Variants in GAS2L3 observed in about 807,000 individuals in gnomAD.
GAS2L3 encodes the protein growth arrest specific 2 like 3.
In GAS2L3, 28 loss-of-function variants were observed where a neutral mutation model predicts 37.0. That is an observed-to-expected ratio of 0.76 (90% confidence interval 0.56 to 1.04). The LOEUF (loss-of-function observed/expected upper bound fraction) is 1.04, where lower values mean the gene tolerates loss of function less well. Ranked by LOEUF, GAS2L3 falls within the 50% of genes least tolerant of loss-of-function variation. GAS2L3 has a pLI of 0.00. For missense variants in GAS2L3, 793 were observed against 817.6 expected (o/e 0.97, Z 0.37); for synonymous variants, 290 against 296.6 (o/e 0.98, Z 0.23).
intron 1 of GAS2L3, among the ~76,000 whole-genome samples, chr12:100,580,655 AT>A (rs1358574426): frequency 6.6e-6 from 1 of 152,226 alleles, no homozygotes; most frequent in African/African-American, 2.4e-5. Context: ...GTTTATATAC[AT>A]TTATTAGAAA....
At chr12:100,580,658 T>C (rs567241278) in intron 1 of GAS2L3, among the ~76,000 whole-genome samples, 85 of 152,360 alleles carry the variant, frequency 5.6e-4, no homozygotes, top group Non-Finnish European at 1.0e-3. Flanking sequence ...TATATACATT[T>C]ATTAGAAATC....
At chr12:100,588,090 C>T (rs962225791) in intron 1 of GAS2L3, among the ~76,000 whole-genome samples, 1 of 151,982 alleles carries the variant, frequency 6.6e-6, no homozygotes, top group Admixed American at 6.6e-5. Flanking sequence ...GCATCCAAAT[C>T]GGTAAAGAGG....
chr12:100,617,757 T>A lies in GAS2L3; in HGVS notation c.459T>A (p.Asp153Glu). The change falls in exon 7 of 10, where the codon GAT becomes GAA. Residue 153 changes from aspartate to glutamate, a missense_variant. Physicochemically the swap from Asp to Glu is conservative, Grantham distance 45. Coordinates refer to ENST00000547754, the MANE Select transcript of GAS2L3 (RefSeq NM_174942.3). ...TATTTTCCACAGTTTTGCACAAAGA[T>A]CCAAGACAGGTGTATCTTTGTCTTC... The part of the protein sequence containing the change: ...FESEGLVLHK[D>E]PRQVYLCLLE... The A allele has an allele frequency of 1.2e-6, 2 of 1,606,468 alleles. No individual in the cohort carries two copies. Among genetic ancestry groups the A allele is most frequent in the Non-Finnish European group, 1.7e-6 (2 of 1,173,808 alleles).
chr12:100,608,264 G>A (rs1956080620), intron 5 of GAS2L3, among the ~76,000 whole-genome samples: 1 of 152,170 alleles, frequency 6.6e-6, no homozygotes, highest in Non-Finnish European at 1.5e-5. Context: ...TGGGCCTCCT[G>A]GATCTGGGGA....
chr12:100,581,044 A>G (rs1955705487), intron 1 of GAS2L3, among the ~76,000 whole-genome samples: 1 of 152,170 alleles, frequency 6.6e-6, no homozygotes, highest in East Asian at 1.9e-4. Flanking sequence ...TGCTTTTTAA[A>G]TACTAGGGAC....
At chr12:100,609,567 C>T (rs1428914544) in intron 5 of GAS2L3, among the ~76,000 whole-genome samples, 2 of 152,132 alleles carry the variant, frequency 1.3e-5, no homozygotes, top group East Asian at 3.9e-4. Flanking sequence ...GTCATATGCC[C>T]CTCCCCTCTG....
chr12:100,622,733 G>A (rs537750715), intron 9 of GAS2L3, among the ~76,000 whole-genome samples: 17 of 19,604 alleles, frequency 8.7e-4, no homozygotes, highest in African/African-American at 2.7e-3. Context: ...CATCTAATAA[G>A]ATTGAGTATC....
intron 5 of GAS2L3, among the ~76,000 whole-genome samples, chr12:100,608,874 G>A (rs575480157): frequency 9.2e-5 from 14 of 152,244 alleles, no homozygotes; most frequent in African/African-American, 3.4e-4. Context: ...CCAGCACTCA[G>A]ACCACAAGCC....
At chr12:100,577,893 T>C (rs927267437) in intron 1 of GAS2L3, among the ~76,000 whole-genome samples, 1 of 152,184 alleles carries the variant, frequency 6.6e-6, no homozygotes, top group African/African-American at 2.4e-5. Context: ...CTTAGAAGGA[T>C]CTTTAACAAG....
rs550571871 is a variant in GAS2L3 at position 100,626,163 on chromosome 12, T to C, written c.*1273T>C. The C allele has an allele frequency of 5.9e-5, 9 of 152,338 alleles. No homozygotes were observed. The highest frequency in any genetic ancestry group is 2.2e-4 in the African/African-American group (9 of 41,586). The allele number at this position is 152,338 out of a possible 1,614,324, so 9.4% of individuals were successfully genotyped here. A position where few individuals can be genotyped will look rare whatever the true frequency, so the allele number is the denominator to read the frequency against. On this transcript the variant is annotated 3_prime_UTR_variant, in exon 10 of 10. Transcript: ENST00000547754. ...TAAAACTTCACAGTATTGCCAATTA[T>C]CTTAGGTTATTCAGTATTCAGGTTT...
chr12:100,584,322 T>A (rs546422380), intron 1 of GAS2L3, among the ~76,000 whole-genome samples: 233 of 152,312 alleles, frequency 1.5e-3, no homozygotes, highest in African/African-American at 5.4e-3. Flanking sequence ...CTAGATTAGT[T>A]AAGATCATGA....
intron 3 of GAS2L3, among the ~76,000 whole-genome samples, chr12:100,595,407 T>TTG (rs1418171544): frequency 1.9e-4 from 29 of 151,222 alleles, no homozygotes; most frequent in African/African-American, 6.3e-4. Context: ...GGTTTTTTTT[T>TTG]TTTTGTTTTG....
At chr12:100,597,203 T>C (rs1051314146) in intron 3 of GAS2L3, among the ~76,000 whole-genome samples, 1 of 152,106 alleles carries the variant, frequency 6.6e-6, no homozygotes, top group South Asian at 2.1e-4. Flanking sequence ...ACATCTGCTC[T>C]GCTTTTTTTC....
Position 100,600,366 on chromosome 12 carries a change from T to C in GAS2L3, c.19-16T>C. On this transcript the variant is annotated splice_polypyrimidine_tract_variant and intron_variant, in intron 3 of 9. Transcript: ENST00000547754. The stretch of plus-strand genomic sequence containing the variant: ...AGGTTTTATTCATTCAGTTGATTGA[T>C]TTTTTTTTTCTTTAGGTATGGTTTG... 2 of 1,397,144 alleles carry C rather than the reference T, an allele frequency of 1.4e-6. No individual in the cohort carries two copies. Among genetic ancestry groups the C allele is most frequent in the South Asian group, 1.3e-5 (1 of 75,552 alleles). 86.5% of individuals were successfully genotyped at this position (1,397,144 alleles called of 1,614,324 possible).
chr12:100,603,725 T>C (rs141092821), intron 5 of GAS2L3, among the ~76,000 whole-genome samples: 2 of 152,244 alleles, frequency 1.3e-5, no homozygotes, highest in South Asian at 2.1e-4. Context: ...CCTGGAGAGT[T>C]TTCCCAATGT....
intron 2 of GAS2L3, chr12:100,592,336 GC>G (rs1269891027): frequency 6.6e-6 from 1 of 152,028 alleles, no homozygotes; most frequent in Non-Finnish European, 1.5e-5. Flanking sequence ...TTATTTCTTT[GC>G]TTTTTTTTGT....
intron 1 of GAS2L3, among the ~76,000 whole-genome samples, chr12:100,582,996 C>T (rs1955732795): frequency 6.6e-6 from 1 of 152,254 alleles, no homozygotes; most frequent in Non-Finnish European, 1.5e-5. Flanking sequence ...GTCCTCACAT[C>T]ACCTTCGGTG....
intron 1 of GAS2L3, among the ~76,000 whole-genome samples, chr12:100,580,662 A>G (rs528364934): frequency 6.6e-6 from 1 of 152,364 alleles, no homozygotes; most frequent in African/African-American, 2.4e-5. Flanking sequence ...TACATTTATT[A>G]GAAATCTAAG....
At chr12:100,619,811 AG>A (rs2136572000) in intron 8 of GAS2L3, among the ~76,000 whole-genome samples, 1 of 152,190 alleles carries the variant, frequency 6.6e-6, no homozygotes, top group African/African-American at 2.4e-5. Flanking sequence ...TATTATATAA[AG>A]ACCTTACACA....
Sources: gnomAD v4.1 joint callset for allele counts (sites outside exome capture counted in the v4.1 genomes callset) on GRCh38, gnomAD v4.1.1 for gene constraint, MANE v1.5 for transcripts, NCBI Gene and HGNC (gene_info 2026-07-23, HGNC 2026-07-21) for gene names.